The following HS3ST1 variants were observed in gnomAD, a reference collection of about 807,000 sequenced individuals.
HS3ST1 encodes the protein heparan sulfate-glucosamine 3-sulfotransferase 1.
Under a neutral mutation model 20.7 loss-of-function variants are expected in HS3ST1, and 8 were observed. That is an observed-to-expected ratio of 0.39 (90% CI 0.23 to 0.70). The LOEUF is 0.70. Ranked by LOEUF, HS3ST1 falls within the 30% of genes least tolerant of loss-of-function variation. The pLI is 0.46. For synonymous variants in HS3ST1, 205 were observed against 190.4 expected (o/e 1.08, Z -0.63); for missense variants, 436 against 423.4 (o/e 1.03, Z -0.26).
At chr4:11,406,756 T>C (rs1042125621) in intron 1 of HS3ST1, among the ~76,000 whole-genome samples, 3 of 152,210 alleles carry the variant, frequency 2.0e-5, no homozygotes, top group Non-Finnish European at 2.9e-5. Flanking sequence ...TATACTGTTA[T>C]GCGAGAACTG....
chr4:11,425,754 C>G (rs1485165912), intron 1 of HS3ST1, among the ~76,000 whole-genome samples: 1 of 152,002 alleles, frequency 6.6e-6, no homozygotes, highest in Admixed American at 6.5e-5. Flanking sequence ...TTCTCACTTT[C>G]TTATAATAAT....
At chr4:11,405,012 G>A (rs1487089568) in intron 1 of HS3ST1, among the ~76,000 whole-genome samples, 2 of 152,236 alleles carry the variant, frequency 1.3e-5, no homozygotes, top group African/African-American at 4.8e-5. Flanking sequence ...GAACTTCACT[G>A]TCACTTTCAC....
In HS3ST1 at chr4:11,397,468, C is replaced by G. The variant is rs1718174012; in HGVS notation, c.*1614G>C. The G allele has an allele frequency of 6.6e-6, 1 of 152,254 alleles. No homozygotes were observed. Among genetic ancestry groups the G allele is most frequent in the Non-Finnish European group, 1.5e-5 (1 of 68,076 alleles). The allele number at this position is 152,254 out of a possible 1,614,324, so 9.4% of individuals were successfully genotyped here. A position where few individuals can be genotyped will look rare whatever the true frequency, so the allele number is the denominator to read the frequency against. Reference sequence around the variant, plus strand: ...TCTTAGGATGGAAGATATTTGGCACCTGGGAAGAAATGTTAAGTCAGGTCA... The same window carrying G: ...TCTTAGGATGGAAGATATTTGGCACGTGGGAAGAAATGTTAAGTCAGGTCA... On this transcript the variant is annotated 3_prime_UTR_variant, in exon 2 of 2. Transcript: ENST00000002596.
chr4:11,407,325 G>A (rs1197398868), intron 1 of HS3ST1, among the ~76,000 whole-genome samples: 1 of 152,148 alleles, frequency 6.6e-6, no homozygotes, highest in East Asian at 1.9e-4. Flanking sequence ...CCTTGAAAAA[G>A]AGGAGGACTA....
rs372160263 is a variant in HS3ST1 at position 11,404,938 on chromosome 4, G to C, written c.-108-4825C>G. On this transcript the variant is annotated intron_variant, in intron 1 of 1. Coordinates refer to ENST00000002596, the MANE Select transcript of HS3ST1 (RefSeq NM_005114.4). ...TTTAAAAAGTGAGGTTCAGAGAAAT[G>C]AAGTCTTGTGTCTAGAAAGTTAGAG... 4.3e-4 allele frequency among the ~76,000 whole-genome samples: 66 copies of C among 152,350 alleles called. 1 individual carries two copies. In the East Asian group the frequency reaches 0.011, roughly 25 times the overall value.
intron 1 of HS3ST1, among the ~76,000 whole-genome samples, chr4:11,413,107 A>G (rs548939071): frequency 2.2e-4 from 33 of 152,288 alleles, no homozygotes; most frequent in African/African-American, 7.5e-4. Context: ...GAACTGTGAG[A>G]AGTCAGTTTC....
upstream of HS3ST1, among the ~76,000 whole-genome samples, chr4:11,430,984 A>G (rs761687123): frequency 5.3e-5 from 8 of 152,232 alleles, no homozygotes; most frequent in Non-Finnish European, 1.0e-4. Flanking sequence ...CACTGCTCCT[A>G]AATAGCTCTC....
intron 1 of HS3ST1, among the ~76,000 whole-genome samples, chr4:11,412,544 A>G (rs570885845): frequency 1.2e-4 from 18 of 152,332 alleles, no homozygotes; most frequent in African/African-American, 4.3e-4. Context: ...AAGTAGCACC[A>G]TATATCAAAC....
chr4:11,401,793 A>G (rs1179969905), intron 1 of HS3ST1, among the ~76,000 whole-genome samples: 1 of 152,176 alleles, frequency 6.6e-6, no homozygotes, highest in East Asian at 1.9e-4. Flanking sequence ...CTCTTTACCT[A>G]TTTAAGATTT....
chr4:11,400,637 T>TC (rs1363040256), intron 1 of HS3ST1, among the ~76,000 whole-genome samples: 1 of 152,180 alleles, frequency 6.6e-6, no homozygotes, highest in Non-Finnish European at 1.5e-5. Flanking sequence ...TACTCACCAG[T>TC]CCCTGGCAAA....
At chr4:11,410,142 A>G (rs776446759) in intron 1 of HS3ST1, among the ~76,000 whole-genome samples, 6 of 152,228 alleles carry the variant, frequency 3.9e-5, no homozygotes, top group South Asian at 2.1e-4. Context: ...AACTCTTACA[A>G]GACATCTACG....
At chr4:11,408,544 A>G (rs1029191105) in intron 1 of HS3ST1, among the ~76,000 whole-genome samples, 2 of 152,208 alleles carry the variant, frequency 1.3e-5, no homozygotes, top group African/African-American at 2.4e-5. Context: ...TCCTGAACGA[A>G]TGATGAGCAG....
chr4:11,423,059 G>C (rs540265633), intron 1 of HS3ST1, among the ~76,000 whole-genome samples: 2 of 132,202 alleles, frequency 1.5e-5, no homozygotes, highest in South Asian at 5.0e-4. Flanking sequence ...AGTGCTGAAC[G>C]TCAGAGTTCT....
intron 1 of HS3ST1, among the ~76,000 whole-genome samples, chr4:11,415,237 G>C (rs1344106866): frequency 6.6e-6 from 1 of 152,188 alleles, no homozygotes; most frequent in Non-Finnish European, 1.5e-5. Context: ...GGGGCAGAAA[G>C]ATCAAAGCAA....
intron 1 of HS3ST1, among the ~76,000 whole-genome samples, chr4:11,427,238 C>T (rs1017814993): frequency 1.3e-5 from 2 of 152,222 alleles, no homozygotes; most frequent in African/African-American, 4.8e-5. Flanking sequence ...TGCCAGGCTG[C>T]TGCCTCAGCA....
At position 11,400,118 on chromosome 4, in the gene HS3ST1, G is replaced by A. The variant is rs1322359090; in HGVS notation, c.-108-5C>T. 3.5e-6 allele frequency: 5 copies of A among 1,425,840 alleles called. No individual in the cohort carries two copies. In the African/African-American group the frequency reaches 5.8e-5, roughly 16 times the overall value. 88.3% of individuals were successfully genotyped at this position (1,425,840 alleles called of 1,614,324 possible). Reference sequence around the variant, plus strand: ...GGCGTTTCAGGCCTTCAATTACTAGGGAACAAAAAGGGAAGATATTAACAT... The same window carrying A: ...GGCGTTTCAGGCCTTCAATTACTAGAGAACAAAAAGGGAAGATATTAACAT... On this transcript the variant is annotated splice_polypyrimidine_tract_variant and splice_region_variant and intron_variant, in intron 1 of 1. Transcript: ENST00000002596.
intron 1 of HS3ST1, among the ~76,000 whole-genome samples, chr4:11,416,818 G>A (rs1046961227): frequency 1.3e-5 from 2 of 152,222 alleles, no homozygotes; most frequent in East Asian, 3.8e-4. Flanking sequence ...CTGGAAGAGA[G>A]TGATCCAAGG....
intron 1 of HS3ST1, among the ~76,000 whole-genome samples, chr4:11,424,329 C>A (rs1490878864): frequency 1.3e-5 from 2 of 152,212 alleles, no homozygotes; most frequent in African/African-American, 4.8e-5. Flanking sequence ...ATTCATTTTT[C>A]TAGACCTCTT....
intron 1 of HS3ST1, among the ~76,000 whole-genome samples, chr4:11,406,183 G>A (rs1169563940): frequency 6.6e-6 from 1 of 152,200 alleles, no homozygotes; most frequent in Non-Finnish European, 1.5e-5. Flanking sequence ...AAGCACTTGG[G>A]TATAAATTAT....
Sources: allele counts gnomAD v4.1 joint callset (sites outside exome capture counted in the v4.1 genomes callset), GRCh38; gene constraint gnomAD v4.1.1; transcripts MANE v1.5; gene names NCBI Gene and HGNC (gene_info 2026-07-23, HGNC 2026-07-21).